Variants in HMCN2 observed in about 807,000 individuals in gnomAD.
HMCN2 encodes the protein hemicentin 2, also known as hemicentin-2.
HMCN2 carries 325 observed loss-of-function variants against 377.5 expected under a neutral mutation model. That is an observed-to-expected ratio of 0.86 (90% confidence interval 0.79 to 0.94). HMCN2 has a LOEUF of 0.94. HMCN2 is among the 40% of genes least tolerant of loss of function. The pLI, the probability that HMCN2 is intolerant of heterozygous loss-of-function variation, is 0.00. For missense variants in HMCN2, 4,543 were observed against 4,725.3 expected, an observed-to-expected ratio of 0.96 and a Z score of 1.13; for synonymous variants, 2,007 against 2,046.8, an observed-to-expected ratio of 0.98 and a Z score of 0.53.
Position 130,418,881 on chromosome 9 carries a change from A to C in HMCN2, c.13071A>C (p.Leu4357=). 6.5e-7 allele frequency: 1 copy of C among 1,549,904 alleles called. No homozygotes were observed. The highest frequency in any genetic ancestry group is 1.7e-4 in the Middle Eastern group (1 of 5,992). The change falls in exon 86 of 98, where the codon CTA becomes CTC. Residue 4357 remains leucine, a synonymous_variant. Transcript: ENST00000683500. ...TGEPTPTIEW[L]QAGQPLRASR... ...AGCCCACACCCACCATTGAATGGCT[A>C]CAGGCGGGTCAACCCTTGCGGGCCA...
At chr9:130,419,283 G>A (rs1244703815) in intron 86 of HMCN2, 10 of 413,358 alleles carry the variant, frequency 2.4e-5, no homozygotes, top group African/African-American at 2.0e-5. Context: ...CTGCTTAACT[G>A]GCACAAATGC....
In HMCN2 at chr9:130,375,863, G is replaced by A; in HGVS notation, c.7805-13G>A. ...CAGATTTGGGGTGACCCTGGCCACTGGCCCCCACACAGGTACCCACGGGCT... is the reference window on the plus strand; with the variant it reads ...CAGATTTGGGGTGACCCTGGCCACTAGCCCCCACACAGGTACCCACGGGCT... On this transcript the variant is annotated splice_polypyrimidine_tract_variant and intron_variant, in intron 50 of 97. Transcript: ENST00000683500. The A allele has an allele frequency of 2.0e-6, 2 of 985,566 alleles. No individual in the cohort carries two copies. The highest frequency in any genetic ancestry group is 1.2e-6 in the Non-Finnish European group (1 of 829,718). 61.1% of individuals were successfully genotyped at this position (985,566 alleles called of 1,614,324 possible).
In HMCN2 at chr9:130,370,945, G is replaced by T. The variant is rs1840988313; in HGVS notation, c.7070-19G>T. 2.0e-6 allele frequency: 2 copies of T among 985,970 alleles called. No individual in the cohort carries two copies. The highest frequency in any genetic ancestry group is 4.7e-5 in the South Asian group (1 of 21,292). 61.1% of individuals were successfully genotyped at this position (985,970 alleles called of 1,614,324 possible). A position where few individuals can be genotyped will look rare whatever the true frequency, so the allele number is the denominator to read the frequency against. Reference sequence around the variant, plus strand: ...AGCCCATATCTGCACCCTGAATGTGGCTTCTTCTTTGTGTCCAGTGCCCCC... The same window carrying T: ...AGCCCATATCTGCACCCTGAATGTGTCTTCTTCTTTGTGTCCAGTGCCCCC... On this transcript the variant is annotated intron_variant, in intron 45 of 97. Transcript: ENST00000683500.
At chr9:130,353,271 G>T in intron 31 of HMCN2, 66 bp downstream of exon 31, 1 of 1,261,490 alleles carries the variant, frequency 7.9e-7, no homozygotes, top group Non-Finnish European at 1.0e-6. Flanking sequence ...GGTGGCCCCT[G>T]CCTGTCTCCA....
rs1839720122 is a variant in HMCN2, at chr9:130,351,610, A to T, written c.4585+33A>T. ...CCCACGCCTTCTGGGACCCCGCCAC[A>T]GGCTACTCAGGAAGCTTCCCACCCA... On this transcript the variant is annotated intron_variant, in intron 30 of 97. Coordinates refer to ENST00000683500, the MANE Select transcript of HMCN2 (RefSeq NM_001291815.2). This position sits in a 1 kb window ranked among gnomAD's most constrained non-coding sequence, Gnocchi z 5.4. 7.8e-6 allele frequency: 10 copies of T among 1,287,762 alleles called. No individual in the cohort carries two copies. The highest frequency in any genetic ancestry group is 1.0e-5 in the Non-Finnish European group (10 of 977,850). The allele number at this position is 1,287,762 out of a possible 1,614,324, so 79.8% of individuals were successfully genotyped here. A position where few individuals can be genotyped will look rare whatever the true frequency, so the allele number is the denominator to read the frequency against.
At position 130,358,010 on chromosome 9, in the gene HMCN2, C is replaced by T. The variant is rs57069154; in HGVS notation, c.5580+22C>T. ...ACAGGTATGTGCAGGGGCCCCAGGG[C>T]TGGCAAGCCAGCTGGGCACAGGTGG... On this transcript the variant is annotated intron_variant, in intron 35 of 97. Transcript: ENST00000683500. 3.6e-3 allele frequency: 4,643 copies of T among 1,295,400 alleles called. 130 individuals carry two copies. The African/African-American group carries it at 0.061, about 17-fold the overall frequency. The allele number at this position is 1,295,400 out of a possible 1,614,324, so 80.2% of individuals were successfully genotyped here.
intron 34 of HMCN2, among the ~76,000 whole-genome samples, chr9:130,356,909 G>A (rs1840052955): frequency 6.6e-6 from 1 of 152,144 alleles, no homozygotes; most frequent in Admixed American, 6.5e-5. Context: ...TGGGTGGATG[G>A]ATGGGTGGGT....
At chr9:130,286,109 C>T (rs1239329267) in intron 3 of HMCN2, 79 bp from the exon 4 acceptor site, 14 of 456,014 alleles carry the variant, frequency 3.1e-5, no homozygotes, top group Non-Finnish European at 5.5e-5. Flanking sequence ...GGTCACTCCA[C>T]CCTGGTCGAG....
intron 8 of HMCN2, among the ~76,000 whole-genome samples, chr9:130,300,880 G>A (rs1365547082): frequency 1.3e-5 from 2 of 152,220 alleles, no homozygotes; most frequent in African/African-American, 4.8e-5. Context: ...GATGTCTAGG[G>A]CCACTGGCCA....
At position 130,384,701 on chromosome 9, in the gene HMCN2, G is replaced by C. The variant is rs1347088031; in HGVS notation, c.9009G>C (p.Gln3003His). 1 of 1,302,514 alleles carries C rather than the reference G, an allele frequency of 7.7e-7. No homozygotes were observed. Among genetic ancestry groups the C allele is most frequent in the Non-Finnish European group, 1.0e-6 (1 of 988,916 alleles). 80.7% of individuals were successfully genotyped at this position (1,302,514 alleles called of 1,614,324 possible). The stretch of plus-strand genomic sequence containing the variant: ...CCCCGGCAGGCACCCACACGCTGCA[G>C]CTGGGGAGAGCACGGCTGTCGGACT... Reference protein sequence around the residue: ...VFLLPGTHTLQLGRARLSDSG... With the variant: ...VFLLPGTHTLHLGRARLSDSG... The change falls in exon 59 of 98, where the codon CAG becomes CAC. Residue 3003 changes from glutamine (Q) to histidine (H), a missense_variant. Gln to His is a conservative substitution (Grantham distance 24). This residue lies in a region of HMCN2 where 736 missense variants were observed against 773.2 expected (regional missense o/e 0.95). Transcript: ENST00000683500.
rs1177383489 is a variant in HMCN2, at chr9:130,304,486, A to T, written c.1544-244A>T. Among the ~76,000 whole-genome samples, 2 of 152,208 alleles carry T rather than the reference A, an allele frequency of 1.3e-5. No homozygotes were observed. Among genetic ancestry groups the T allele is most frequent in the African/African-American group, 4.8e-5 (2 of 41,454 alleles). On this transcript the variant is annotated intron_variant, in intron 10 of 97. Coordinates refer to ENST00000683500, the MANE Select transcript of HMCN2 (RefSeq NM_001291815.2). This position sits in a 1 kb window ranked among gnomAD's most constrained non-coding sequence, Gnocchi z 4.3. Reference sequence around the variant, plus strand: ...TTGCACTGGCTGTATTTTGGAGAGCAGGCGTGTACCGTGCAGCCCCTGGCA... The same window carrying T: ...TTGCACTGGCTGTATTTTGGAGAGCTGGCGTGTACCGTGCAGCCCCTGGCA...
In HMCN2 at chr9:130,393,319, A is replaced by G; in HGVS notation, c.10234+10A>G. Reference sequence around the variant, plus strand: ...ACCTTGCAGGTGCAGGGTATGGAGCAGGGGGTGGGGCAAGGGGGTCTCTGG... The same window carrying G: ...ACCTTGCAGGTGCAGGGTATGGAGCGGGGGGTGGGGCAAGGGGGTCTCTGG... On this transcript the variant is annotated intron_variant, in intron 67 of 97. Coordinates refer to ENST00000683500, the MANE Select transcript of HMCN2 (RefSeq NM_001291815.2). The surrounding 1 kb of genome is among the most constrained non-coding windows in gnomAD (Gnocchi z 5.2). 1.0e-6 allele frequency: 1 copy of G among 988,790 alleles called. No homozygotes were observed. Among genetic ancestry groups the G allele is most frequent in the Non-Finnish European group, 1.2e-6 (1 of 829,984 alleles). The allele number at this position is 988,790 out of a possible 1,614,324, so 61.3% of individuals were successfully genotyped here.
At chr9:130,373,197 G>T (rs1841134674) in intron 48 of HMCN2, 73 bp downstream of exon 48, 1 of 513,746 alleles carries the variant, frequency 1.9e-6, no homozygotes, top group Admixed American at 6.4e-5. Context: ...GGATCCCTGG[G>T]GATCTGCCCA....
chr9:130,418,461 C>G (rs1228588741), intron 85 of HMCN2, among the ~76,000 whole-genome samples: 1 of 152,194 alleles, frequency 6.6e-6, no homozygotes, highest in African/African-American at 2.4e-5. Context: ...ATGGGAGGAT[C>G]GCTTGAACCC....
intron 56 of HMCN2, 111 bp from the exon 57 acceptor site, chr9:130,383,393 G>A: frequency 2.9e-6 from 1 of 339,730 alleles, no homozygotes; most frequent in Middle Eastern, 1.5e-3. Flanking sequence ...GAGCTGCCTG[G>A]TGCCTGCTTC....
chr9:130,378,772 C>T (rs1484038746), intron 53 of HMCN2, among the ~76,000 whole-genome samples: 1 of 152,134 alleles, frequency 6.6e-6, no homozygotes, highest in Non-Finnish European at 1.5e-5. Flanking sequence ...CTAGCTCTGG[C>T]TCTGTCATGA....
intron 34 of HMCN2, among the ~76,000 whole-genome samples, chr9:130,356,962 GTGGA>G (rs1180778566): frequency 6.6e-6 from 1 of 151,438 alleles, no homozygotes; most frequent in Middle Eastern, 3.2e-3. Flanking sequence ...AGATAGAAGG[GTGGA>G]TGGATGGATG....
Position 130,379,445 on chromosome 9 carries a change from G to T in HMCN2, c.8409G>T (p.Gly2803=). The T allele has an allele frequency of 2.0e-6, 2 of 985,916 alleles. No individual in the cohort carries two copies. Among genetic ancestry groups the T allele is most frequent in the African/African-American group, 3.5e-5 (2 of 57,368 alleles). The allele number at this position is 985,916 out of a possible 1,614,324, so 61.1% of individuals were successfully genotyped here. A position where few individuals can be genotyped will look rare whatever the true frequency, so the allele number is the denominator to read the frequency against. Reference sequence around the variant, plus strand: ...GAGAGGATCAGCCCCTCTCGGCCGGGGATGAGGTGTCTGTGCTGCAAGGTG... The same window carrying T: ...GAGAGGATCAGCCCCTCTCGGCCGGTGATGAGGTGTCTGTGCTGCAAGGTG... ...WYREDQPLSA[G]DEVSVLQGGR... Residue 2803 remains glycine, a synonymous_variant, in exon 54 of 98, where the codon GGG becomes GGT. Transcript: ENST00000683500.
intron 1 of HMCN2, among the ~76,000 whole-genome samples, chr9:130,283,057 C>T (rs948232419): frequency 6.6e-6 from 1 of 152,002 alleles, no homozygotes; most frequent in African/African-American, 2.4e-5. Context: ...GGCGACAGAG[C>T]GAGACTCTTT....
Sources: gnomAD v4.1 joint callset for allele counts (sites outside exome capture counted in the v4.1 genomes callset) on GRCh38, gnomAD v4.1.1 for gene constraint, gnomAD v4.1.1 regional missense constraint, Gnocchi (gnomAD v3.1) non-coding constraint, MANE v1.5 for transcripts, NCBI Gene and HGNC (gene_info 2026-07-23, HGNC 2026-07-21) for gene names.